The following MCM5 variants were observed in gnomAD, a reference collection of about 807,000 sequenced individuals.
The protein encoded by MCM5 is minichromosome maintenance complex component 5, also known as DNA replication licensing factor MCM5.
Under a neutral mutation model 79.9 loss-of-function variants are expected in MCM5, and 46 were observed. That is an observed-to-expected ratio of 0.58 (90% confidence interval 0.45 to 0.74). The LOEUF (loss-of-function observed/expected upper bound fraction) is 0.74, where lower values mean the gene tolerates loss of function less well. MCM5 is among the 30% of genes least tolerant of loss of function. The pLI is 0.00. For missense variants in MCM5, 883 were observed against 1,017.0 expected (o/e 0.87, Z 1.79); for synonymous variants, 404 against 390.5 (o/e 1.03, Z -0.41).
Position 35,416,782 on chromosome 22 carries a change from G to A in MCM5, c.1558G>A (p.Val520Ile), listed in dbSNP as rs1219890980. ...GTCGCGCTTCGACATGATCTTCATC[G>A]TCAAGGATGAGCACAATGAGGAGAG... ...ILSRFDMIFI[V>I]KDEHNEERDV... The change falls in exon 12 of 17, where the codon GTC (valine) becomes ATC (isoleucine). Residue 520 changes from valine to isoleucine, a missense_variant. Val to Ile is a conservative substitution (Grantham distance 29). Coordinates refer to ENST00000216122, the MANE Select transcript of MCM5 (RefSeq NM_006739.4). 6 of 1,613,918 alleles carry A rather than the reference G, an allele frequency of 3.7e-6. No homozygotes were observed. Among genetic ancestry groups the A allele is most frequent in the Middle Eastern group, 1.7e-4 (1 of 6,024 alleles).
the MCM5 span, among the ~76,000 whole-genome samples, chr22:35,438,674 CCCAT>C: frequency 1.1e-4 from 2 of 18,582 alleles, no homozygotes; most frequent in Admixed American, 9.2e-4. Context: ...CACATATTCA[CCCAT>C]CCATCCATCC....
At chr22:35,441,596 AGGCAGTGGGTGTCCT>A in the MCM5 span, among the ~76,000 whole-genome samples, 2 of 152,160 alleles carry the variant, frequency 1.3e-5, no homozygotes, top group African/African-American at 4.8e-5. Context: ...ATTGGAACCC[AGGCAGTGGGTGTCCT>A]GGCAGTGGGG....
At chr22:35,417,017 C>T (rs1295345076) in intron 12 of MCM5, among the ~76,000 whole-genome samples, 1 of 152,170 alleles carries the variant, frequency 6.6e-6, no homozygotes, top group Non-Finnish European at 1.5e-5. Context: ...CCTGCTCTGC[C>T]TCTGCCGTGA....
At chr22:35,410,997 G>A (rs1398885042) in intron 7 of MCM5, 87 bp downstream of exon 7, 4 of 1,276,692 alleles carry the variant, frequency 3.1e-6, no homozygotes, top group Non-Finnish European at 4.3e-6. Context: ...TACTTCATGA[G>A]GTAGCCCAGG....
chr22:35,411,069 T>G (rs1217495242), intron 7 of MCM5, among the ~76,000 whole-genome samples, 159 bp downstream of exon 7: 2 of 152,242 alleles, frequency 1.3e-5, no homozygotes, highest in African/African-American at 4.8e-5. Flanking sequence ...TCCCTGGAAC[T>G]TCCACACATT....
chr22:35,426,574 T>G (rs1932780670), downstream of MCM5, among the ~76,000 whole-genome samples: 1 of 152,218 alleles, frequency 6.6e-6, no homozygotes, highest in Non-Finnish European at 1.5e-5. Flanking sequence ...CATTTCTCTC[T>G]GCTGAGCAAA....
At chr22:35,401,679 C>T (rs1351800771) in intron 2 of MCM5, 1 of 471,160 alleles carries the variant, frequency 2.1e-6, no homozygotes, top group Non-Finnish European at 4.4e-6. Flanking sequence ...CTGATATTGC[C>T]CACCTGTGTG....
At chr22:35,440,813 T>G in the MCM5 span, among the ~76,000 whole-genome samples, 1 of 151,976 alleles carries the variant, frequency 6.6e-6, no homozygotes, top group Non-Finnish European at 1.5e-5. Context: ...ATCCCAGCAC[T>G]TTGTGAGGCC....
downstream of MCM5, among the ~76,000 whole-genome samples, chr22:35,426,757 T>C (rs756964545): frequency 6.6e-6 from 1 of 152,270 alleles, no homozygotes; most frequent in Non-Finnish European, 1.5e-5. Flanking sequence ...TTTCCCTGCC[T>C]CACAGCCTCT....
chr22:35,414,830 G>C (rs561025276), intron 9 of MCM5, among the ~76,000 whole-genome samples: 1 of 152,124 alleles, frequency 6.6e-6, no homozygotes, highest in Admixed American at 6.5e-5. Context: ...AGCAGGATGT[G>C]ATTGAACCCA....
rs1181549978 is a variant in MCM5 at position 35,413,916 on chromosome 22, T to A, written c.1133T>A (p.Leu378Gln). Residue 378 changes from leucine to glutamine, a missense_variant, in exon 9 of 17, where the codon CTG becomes CAG. Leu to Gln is a moderately radical substitution (Grantham distance 113). Around this residue, in one of 3 missense-constraint regions of MCM5, gnomAD observed 455 missense variants for 517.5 expected, o/e 0.88. Transcript: ENST00000216122. ...ACTCGCCGAGGAGACATCAACCTGCTGATGCTAGGGGACCCTGGGACAGCC... is the reference window on the plus strand; with the variant it reads ...ACTCGCCGAGGAGACATCAACCTGCAGATGCTAGGGGACCCTGGGACAGCC... ...GLTRRGDINL[L>Q]MLGDPGTAKS... 1.9e-6 allele frequency: 3 copies of A among 1,613,988 alleles called. No individual in the cohort carries two copies. In the Admixed American group the frequency reaches 5.0e-5, roughly 27 times the overall value.
the MCM5 span, among the ~76,000 whole-genome samples, chr22:35,453,415 T>G: frequency 7.1e-6 from 1 of 141,226 alleles, no homozygotes; most frequent in African/African-American, 2.8e-5. Flanking sequence ...GACAGAGTGA[T>G]TCAGAGAGAC....
At chr22:35,401,278 G>T in intron 2 of MCM5, 1 of 413,828 alleles carries the variant, frequency 2.4e-6, no homozygotes. Flanking sequence ...TGTCATGTCT[G>T]AGACCTTACA....
At chr22:35,446,435 TG>T in the MCM5 span, among the ~76,000 whole-genome samples, 4 of 152,176 alleles carry the variant, frequency 2.6e-5, no homozygotes, top group African/African-American at 4.8e-5. Context: ...ACCAGCCATA[TG>T]TAAGACTTTG....
intron 4 of MCM5, 94 bp from the exon 5 acceptor site, chr22:35,406,459 C>T (rs748741971): frequency 1.1e-4 from 138 of 1,204,422 alleles, no homozygotes; most frequent in Non-Finnish European, 1.5e-4. Flanking sequence ...CTGTGCCCAC[C>T]TCCTCCAGGC....
chr22:35,425,034 C>T lies in MCM5; in HGVS notation c.*779C>T, dbSNP rs367732380. 4 of 152,326 alleles carry T rather than the reference C, an allele frequency of 2.6e-5. No individual in the cohort carries two copies. The highest frequency in any genetic ancestry group is 4.1e-4 in the South Asian group (2 of 4,834). 9.4% of individuals were successfully genotyped at this position (152,326 alleles called of 1,614,324 possible). A position where few individuals can be genotyped will look rare whatever the true frequency, so the allele number is the denominator to read the frequency against. On this transcript the variant is annotated 3_prime_UTR_variant, in exon 17 of 17. Transcript: ENST00000216122. ...GTGTGGCCTTGGGCGAGACATTTCA[C>T]TTTTCTGTGCCTGAGTTTATCAGTA...
the MCM5 span, among the ~76,000 whole-genome samples, chr22:35,438,103 C>G: frequency 2.0e-5 from 3 of 152,110 alleles, no homozygotes; most frequent in Non-Finnish European, 4.4e-5. Context: ...TTAGGAAACC[C>G]CATCCCTACC....
the MCM5 span, among the ~76,000 whole-genome samples, chr22:35,446,678 G>A: frequency 4.0e-4 from 61 of 152,250 alleles, no homozygotes; most frequent in African/African-American, 1.4e-3. Context: ...AGGAAGGAGT[G>A]AGGAATGGAA....
intron 8 of MCM5, among the ~76,000 whole-genome samples, chr22:35,413,369 A>C (rs527595540): frequency 1.3e-5 from 2 of 152,104 alleles, no homozygotes; most frequent in African/African-American, 4.8e-5. Context: ...TAAGTGCTTT[A>C]TGTGTCTGAA....
Sources: gnomAD v4.1 joint callset for allele counts (sites outside exome capture counted in the v4.1 genomes callset) on GRCh38, gnomAD v4.1.1 for gene constraint, gnomAD v4.1.1 regional missense constraint, MANE v1.5 for transcripts, NCBI Gene and HGNC (gene_info 2026-07-23, HGNC 2026-07-21) for gene names.